Variants in DNAH14 observed in about 807,000 individuals in gnomAD.
The protein encoded by DNAH14 is dynein axonemal heavy chain 14.
DNAH14 carries 478 observed loss-of-function variants against 520.9 expected under a neutral mutation model. That is an observed-to-expected ratio of 0.92 (90% CI 0.85 to 0.99). The LOEUF is 0.99. Ranked by LOEUF, DNAH14 falls within the 50% of genes least tolerant of loss-of-function variation. DNAH14 has a pLI of 0.00. For synonymous variants in DNAH14, 1,581 were observed against 1,757.2 expected (o/e 0.90, Z 2.51); for missense variants, 4,831 against 5,234.5 (o/e 0.92, Z 2.38).
chr1:225,141,083 T>A, intron 28 of DNAH14, 62 bp downstream of exon 28: 1 of 1,409,142 alleles, frequency 7.1e-7, no homozygotes, highest in Non-Finnish European at 9.4e-7. Context: ...TTTAGGTAAA[T>A]TGATTCTCTA....
In DNAH14 at chr1:225,392,344, G is replaced by A. The variant is rs2095928649; in HGVS notation, c.13384G>A (p.Asp4462Asn). Reference sequence around the variant, plus strand: ...TGGGAGGTCCCGAGGAATCGCTGTGGATGCCCTCACCTTCACCCACCATGT... The same window carrying A: ...TGGGAGGTCCCGAGGAATCGCTGTGAATGCCCTCACCTTCACCCACCATGT... The part of the protein sequence containing the change: ...DYGRSRGIAV[D>N]ALTFTHHVIS... The change falls in exon 84 of 86, where the codon GAT (aspartate) becomes AAT (asparagine). Residue 4462 changes from aspartate (D) to asparagine (N), a missense_variant. Physicochemically the swap from Asp to Asn is conservative, Grantham distance 23 (BLOSUM62 1). Coordinates refer to ENST00000682510, the MANE Select transcript of DNAH14 (RefSeq NM_001367479.1). 1 of 1,552,390 alleles carries A rather than the reference G, an allele frequency of 6.4e-7. No homozygotes were observed. The highest frequency in any genetic ancestry group is 2.4e-5 in the East Asian group (1 of 40,916).
intron 22 of DNAH14, among the ~76,000 whole-genome samples, chr1:225,098,411 A>G (rs1302926023): frequency 2.0e-5 from 3 of 152,208 alleles, no homozygotes; most frequent in Non-Finnish European, 4.4e-5. Context: ...AAATCATACA[A>G]GCTAGTTTAG....
chr1:225,336,038 C>CATATATGTAT (rs1553337723), intron 66 of DNAH14, among the ~76,000 whole-genome samples: 1 of 64,668 alleles, frequency 1.5e-5, no homozygotes, highest in African/African-American at 9.5e-5. Context: ...TATATACACA[C>CATATATGTAT]ATATATGCAT....
intron 33 of DNAH14, 143 bp downstream of exon 33, chr1:225,153,026 A>G: frequency 2.2e-6 from 2 of 890,108 alleles, no homozygotes; most frequent in Non-Finnish European, 3.2e-6. Context: ...ATGGAGCTAG[A>G]ATTTCCATCA....
At chr1:224,989,575 A>G (rs1450449673) in intron 8 of DNAH14, among the ~76,000 whole-genome samples, 5 of 152,162 alleles carry the variant, frequency 3.3e-5, no homozygotes, top group African/African-American at 1.2e-4. Context: ...CTTGCCTTAT[A>G]TAATGGATGG....
chr1:225,203,205 A>G lies in DNAH14; in HGVS notation c.5887-978A>G, dbSNP rs143068412. 1.2e-3 allele frequency among the ~76,000 whole-genome samples: 177 copies of G among 152,336 alleles called. 1 individual carries two copies. Among genetic ancestry groups the G allele is most frequent in the Middle Eastern group, 0.01 (3 of 294 alleles). On this transcript the variant is annotated intron_variant, in intron 38 of 85. Transcript: ENST00000682510. ...TCTGTCCATCCAAGTAGGAGCTGCAATCTAGTCCTGCCTCCATCTGCCATG... is the reference window on the plus strand; with the variant it reads ...TCTGTCCATCCAAGTAGGAGCTGCAGTCTAGTCCTGCCTCCATCTGCCATG...
chr1:225,073,668 G>A (rs1386120100), intron 17 of DNAH14, among the ~76,000 whole-genome samples: 3 of 151,830 alleles, frequency 2.0e-5, no homozygotes, highest in African/African-American at 7.3e-5. Context: ...GTTTTTTGTT[G>A]TTGTTGTTGT....
At chr1:225,363,802 ATTG>A (rs1235168302) in intron 75 of DNAH14, among the ~76,000 whole-genome samples, 1 of 152,212 alleles carries the variant, frequency 6.6e-6, no homozygotes, top group Non-Finnish European at 1.5e-5. Context: ...TGCTGTGTAA[ATTG>A]TTATTAATCT....
At chr1:225,183,303 T>C (rs1004228251) in intron 36 of DNAH14, among the ~76,000 whole-genome samples, 2 of 152,190 alleles carry the variant, frequency 1.3e-5, no homozygotes, top group African/African-American at 4.8e-5. Flanking sequence ...CATGAATAAA[T>C]ATCAATGGCA....
intron 11 of DNAH14, 86 bp downstream of exon 11, chr1:225,023,951 A>C: frequency 6.9e-7 from 1 of 1,439,822 alleles, no homozygotes; most frequent in Non-Finnish European, 9.1e-7. Flanking sequence ...TCAATAATTT[A>C]AGCTAGAGTT....
intron 11 of DNAH14, among the ~76,000 whole-genome samples, chr1:225,033,030 C>T (rs2066656236): frequency 6.6e-6 from 1 of 152,062 alleles, no homozygotes; most frequent in South Asian, 2.1e-4. Flanking sequence ...TGTAGGTTGT[C>T]TGTTTACTCT....
At chr1:225,127,609 C>T (rs545137948) in intron 27 of DNAH14, among the ~76,000 whole-genome samples, 7 of 152,130 alleles carry the variant, frequency 4.6e-5, no homozygotes, top group South Asian at 4.1e-4. Flanking sequence ...TGTCTCTGCA[C>T]GTGAGATGGG....
At chr1:225,037,058 T>G (rs1264117103) in intron 11 of DNAH14, among the ~76,000 whole-genome samples, 2 of 152,212 alleles carry the variant, frequency 1.3e-5, no homozygotes, top group Non-Finnish European at 1.5e-5. Context: ...TTTTATGGTT[T>G]CCATTTGCAT....
intron 41 of DNAH14, among the ~76,000 whole-genome samples, chr1:225,222,005 T>C (rs749120633): frequency 1.3e-5 from 2 of 152,148 alleles, no homozygotes; most frequent in Non-Finnish European, 2.9e-5. Flanking sequence ...GCTCACTCTC[T>C]CGGCTACTGG....
At chr1:225,124,254 TG>T (rs966196218) in intron 27 of DNAH14, among the ~76,000 whole-genome samples, 1 of 152,228 alleles carries the variant, frequency 6.6e-6, no homozygotes, top group African/African-American at 2.4e-5. Context: ...AGGATGGCTG[TG>T]GCAATTTCTT....
intron 60 of DNAH14, among the ~76,000 whole-genome samples, chr1:225,316,171 C>A (rs2094464286): frequency 6.6e-6 from 1 of 152,186 alleles, no homozygotes; most frequent in African/African-American, 2.4e-5. Flanking sequence ...ACTGCCTACT[C>A]AAGCCTCAGT....
At position 225,147,168 on chromosome 1, in the gene DNAH14, A is replaced by G. The variant is rs748337917; in HGVS notation, c.4859A>G (p.Asn1620Ser). The G allele has an allele frequency of 3.4e-5, 53 of 1,550,870 alleles. No homozygotes were observed. The highest frequency in any genetic ancestry group is 4.1e-5 in the Non-Finnish European group (47 of 1,146,708). Reference protein sequence around the residue: ...SGAWSCFDEFNLIDLEVLSVI... With the variant: ...SGAWSCFDEFSLIDLEVLSVI... The stretch of plus-strand genomic sequence containing the variant: ...GCATGGAGTTGTTTTGATGAATTCA[A>G]TCTAATTGATTTGGAAGTTCTCTCT... The change falls in exon 31 of 86, where the codon AAT (asparagine) becomes AGT (serine). Residue 1620 changes from asparagine (N) to serine (S), a missense_variant. By Grantham distance (46) the Asn-to-Ser change is conservative. Coordinates refer to ENST00000682510, the MANE Select transcript of DNAH14 (RefSeq NM_001367479.1).
intron 36 of DNAH14, among the ~76,000 whole-genome samples, chr1:225,179,170 CT>C (rs145917046): frequency 0.021 from 3,228 of 152,240 alleles, 88 homozygotes; most frequent in African/African-American, 0.062. Context: ...CCCTTTAGAT[CT>C]GTTAATATTT....
intron 44 of DNAH14, among the ~76,000 whole-genome samples, chr1:225,256,119 T>C (rs886912442): frequency 1.3e-5 from 2 of 152,204 alleles, no homozygotes; most frequent in African/African-American, 4.8e-5. Context: ...TATAATAAAA[T>C]ATCTGGAAAA....
Sources: allele counts gnomAD v4.1 joint callset (sites outside exome capture counted in the v4.1 genomes callset), GRCh38; gene constraint gnomAD v4.1.1; transcripts MANE v1.5; gene names NCBI Gene and HGNC (gene_info 2026-07-23, HGNC 2026-07-21).